Variants in ARL6 observed in about 807,000 individuals in gnomAD.
The protein encoded by ARL6 is ARF like GTPase 6, also known as ADP-ribosylation factor-like protein 6.
ARL6 carries 18 observed loss-of-function variants against 27.1 expected under a neutral mutation model. That is an observed-to-expected ratio of 0.66 (90% CI 0.46 to 0.98). The LOEUF is 0.98. Ranked by LOEUF, ARL6 falls within the 50% of genes least tolerant of loss-of-function variation. The probability of loss-of-function intolerance (pLI) is 0.00; values close to 1 mark genes in which losing one functional copy is unlikely to be tolerated. For missense variants in ARL6, 187 were observed against 214.9 expected (o/e 0.87, Z 0.81); for synonymous variants, 65 against 72.3 (o/e 0.90, Z 0.51).
At chr3:97,795,818 T>C (rs888973068) in intron 7 of ARL6, among the ~76,000 whole-genome samples, 8 of 152,198 alleles carry the variant, frequency 5.3e-5, no homozygotes, top group Admixed American at 4.6e-4. Flanking sequence ...GTCTCTGGAC[T>C]AGAAAACCCT....
At chr3:97,792,864 T>C (rs572528740) in intron 7 of ARL6, among the ~76,000 whole-genome samples, 508 of 151,926 alleles carry the variant, frequency 3.3e-3, no homozygotes, top group African/African-American at 0.012. Context: ...GGAATGTCTC[T>C]GCCCTGAACA....
rs577674796 is a variant in ARL6 at position 97,776,000 on chromosome 3, GT to G, written c.124-4158del. Among the ~76,000 whole-genome samples the G allele has an allele frequency of 2.6e-5, 4 of 152,266 alleles. No individual in the cohort carries two copies. The South Asian group carries it at 8.3e-4, about 32-fold the overall frequency. ...GATTTCTTTTGTTGTTGATTTTTCT[GT>G]CTGAATGATCTGTCTATTACTGAGA... On this transcript the variant is annotated intron_variant, in intron 2 of 7. Transcript: ENST00000463745.
chr3:97,794,364 C>T (rs901604190), intron 7 of ARL6, among the ~76,000 whole-genome samples: 5 of 151,964 alleles, frequency 3.3e-5, no homozygotes, highest in African/African-American at 1.2e-4. Context: ...AGGTGCCTGC[C>T]ACCATGCCCA....
intron 2 of ARL6, among the ~76,000 whole-genome samples, chr3:97,770,360 A>G (rs1448410587): frequency 6.6e-6 from 1 of 151,660 alleles, no homozygotes; most frequent in Non-Finnish European, 1.5e-5. Context: ...CAGATCTTTT[A>G]CCCATTTTTT....
chr3:97,789,789 A>T (rs1180649767), intron 6 of ARL6, among the ~76,000 whole-genome samples: 1 of 152,108 alleles, frequency 6.6e-6, no homozygotes, highest in African/African-American at 2.4e-5. Context: ...AAATGTATTT[A>T]TCCTTTTTCT....
intron 7 of ARL6, among the ~76,000 whole-genome samples, chr3:97,797,417 A>G (rs554822749): frequency 2.6e-4 from 40 of 152,252 alleles, no homozygotes; most frequent in Non-Finnish European, 4.6e-4. Context: ...TGTGAATAGC[A>G]TTTACAGAGT....
In ARL6 at chr3:97,764,933, C is replaced by T. The variant is rs1171356677; in HGVS notation, c.-72C>T. Reference sequence around the variant, plus strand: ...GGAGACCGATACGAGTGCGTCCATTCCTGTTGCCAGCTCCTGCGCCCTCCG... The same window carrying T: ...GGAGACCGATACGAGTGCGTCCATTTCTGTTGCCAGCTCCTGCGCCCTCCG... On this transcript the variant is annotated 5_prime_UTR_variant, in exon 1 of 8. Coordinates refer to ENST00000463745, the MANE Select transcript of ARL6 (RefSeq NM_001278293.3). 1.3e-5 allele frequency: 2 copies of T among 152,228 alleles called. No homozygotes were observed. The highest frequency in any genetic ancestry group is 4.8e-5 in the African/African-American group (2 of 41,436). The allele number at this position is 152,228 out of a possible 1,614,324, so 9.4% of individuals were successfully genotyped here. A position where few individuals can be genotyped will look rare whatever the true frequency, so the allele number is the denominator to read the frequency against.
At chr3:97,790,899 C>G (rs75957726) in intron 6 of ARL6, among the ~76,000 whole-genome samples, 2,011 of 152,110 alleles carry the variant, frequency 0.013, 36 homozygotes, top group African/African-American at 0.046. Context: ...TTCAGAAACT[C>G]TAATCATATA....
chr3:97,796,558 C>T (rs77705940), intron 7 of ARL6, among the ~76,000 whole-genome samples: 2,126 of 152,092 alleles, frequency 0.014, 50 homozygotes, highest in African/African-American at 0.048. Flanking sequence ...AGCAAATCCT[C>T]GAACAGTATT....
Position 97,788,140 on chromosome 3 carries a change from T to C in ARL6, c.479+21T>C, listed in dbSNP as rs187092848. ...ATTTGGTAAAGTTTTATATTTACTT[T>C]TCACTGTAGCTTTCTGAAAAATATA... On this transcript the variant is annotated intron_variant, in intron 6 of 7. Transcript: ENST00000463745. 1.9e-6 allele frequency: 3 copies of C among 1,609,786 alleles called. No individual in the cohort carries two copies. In the East Asian group the frequency reaches 6.7e-5, roughly 36 times the overall value.
intron 7 of ARL6, among the ~76,000 whole-genome samples, chr3:97,793,003 C>T (rs1045353456): frequency 6.6e-6 from 1 of 152,022 alleles, no homozygotes; most frequent in Admixed American, 6.6e-5. Context: ...CAAACAATAG[C>T]AGGGATATAG....
chr3:97,799,264 G>A lies in ARL6; in HGVS notation c.*1215G>A, dbSNP rs571965779. On this transcript the variant is annotated 3_prime_UTR_variant, in exon 8 of 8. Coordinates refer to ENST00000463745, the MANE Select transcript of ARL6 (RefSeq NM_001278293.3). ...TAAAGATGTTATAGTAACTGCAGTA[G>A]TGGTACATGTTTCACAAAGATTTTA... is the stretch of plus-strand genomic sequence containing the variant. 6.6e-6 allele frequency: 1 copy of A among 152,182 alleles called. No individual in the cohort carries two copies. Among genetic ancestry groups the A allele is most frequent in the South Asian group, 2.1e-4 (1 of 4,824 alleles). The allele number at this position is 152,182 out of a possible 1,614,324, so 9.4% of individuals were successfully genotyped here. A position where few individuals can be genotyped will look rare whatever the true frequency, so the allele number is the denominator to read the frequency against.
At chr3:97,779,190 TC>T (rs754830048) in intron 2 of ARL6, among the ~76,000 whole-genome samples, 1 of 152,196 alleles carries the variant, frequency 6.6e-6, no homozygotes, top group Non-Finnish European at 1.5e-5. Flanking sequence ...TCACTCTTTA[TC>T]TTACCCGATA....
At chr3:97,767,693 C>T (rs144029859) in intron 1 of ARL6, among the ~76,000 whole-genome samples, 60 of 152,276 alleles carry the variant, frequency 3.9e-4, no homozygotes, top group Non-Finnish European at 6.9e-4. Flanking sequence ...TACATGAACC[C>T]CATTGCCCAT....
chr3:97,780,164 A>G lies in ARL6; in HGVS notation c.129A>G (p.Gln43=), dbSNP rs1233384287. The G allele has an allele frequency of 6.2e-7, 1 of 1,612,496 alleles. No homozygotes were observed. The highest frequency in any genetic ancestry group is 8.5e-7 in the Non-Finnish European group (1 of 1,178,722). ...CTTTGTCTTTTCTCTTAAAGGCTCA[A>G]TCTCAAAATATCCTTCCAACAATAG... The part of the protein sequence containing the change: ...IINKLKPSNA[Q]SQNILPTIGF... Residue 43 remains glutamine, a synonymous_variant, in exon 3 of 8, where the codon CAA becomes CAG. Transcript: ENST00000463745.
intron 5 of ARL6, among the ~76,000 whole-genome samples, chr3:97,785,531 G>A (rs1279850698): frequency 6.6e-6 from 1 of 151,666 alleles, no homozygotes; most frequent in Admixed American, 6.6e-5. Context: ...CTGTAGGGTT[G>A]AGGACTGTGG....
chr3:97,785,313 G>GTACCAA (rs2037398858), intron 5 of ARL6, among the ~76,000 whole-genome samples: 1 of 56,896 alleles, frequency 1.8e-5, no homozygotes, highest in Non-Finnish European at 4.6e-5. Context: ...CCTTTTTTCT[G>GTACCAA]ATTACATAAA....
At chr3:97,780,564 A>C in intron 3 of ARL6, 51 bp from the exon 4 acceptor site, 2 of 1,455,276 alleles carry the variant, frequency 1.4e-6, no homozygotes, top group Non-Finnish European at 1.9e-6. Flanking sequence ...AATTTTAAGT[A>C]AAAGTTATGC....
intron 7 of ARL6, among the ~76,000 whole-genome samples, chr3:97,794,553 AT>A (rs1363371436): frequency 1.3e-5 from 2 of 152,050 alleles, no homozygotes; most frequent in African/African-American, 4.8e-5. Flanking sequence ...AATAGTTTAT[AT>A]TGTCATATTC....
Sources: allele counts gnomAD v4.1 joint callset (sites outside exome capture counted in the v4.1 genomes callset), GRCh38; gene constraint gnomAD v4.1.1; transcripts MANE v1.5; gene names NCBI Gene and HGNC (gene_info 2026-07-23, HGNC 2026-07-21).